MSRA: variants seen among roughly 807,000 people sequenced by gnomAD.
MSRA encodes methionine sulfoxide reductase A, also known as mitochondrial peptide methionine sulfoxide reductase.
A neutral mutation model predicts 31.3 loss-of-function variants in MSRA; 54 were observed. The observed-to-expected ratio is 1.73, with a 90% CI of 1.39 to 2.17. The LOEUF (loss-of-function observed/expected upper bound fraction) is 2.17, where lower values mean the gene tolerates loss of function less well. Among genes scored for constraint, MSRA ranks in the 30% most tolerant of loss-of-function variants. The pLI is 0.00. For synonymous variants in MSRA, 169 were observed against 116.5 expected, an observed-to-expected ratio of 1.45 and a Z score of -2.90; for missense variants, 507 against 300.9, an observed-to-expected ratio of 1.69 and a Z score of -5.07.
At chr8:10,095,525 C>A (rs1001557328) in intron 1 of MSRA, 1 of 985,186 alleles carries the variant, frequency 1.0e-6, no homozygotes, top group African/African-American at 1.7e-5. Flanking sequence ...CAAGACTGCT[C>A]GGAAGGTTGC....
At chr8:10,130,942 T>G (rs1439182202) in intron 1 of MSRA, among the ~76,000 whole-genome samples, 2 of 152,196 alleles carry the variant, frequency 1.3e-5, no homozygotes, top group Non-Finnish European at 2.9e-5. Context: ...TATAGGGCCT[T>G]TAAGAATCCT....
In MSRA at chr8:10,301,632, A is replaced by G. The variant is rs766232334; in HGVS notation, c.430A>G (p.Thr144Ala). The G allele has an allele frequency of 1.9e-6, 3 of 1,613,378 alleles. No individual in the cohort carries two copies. Among genetic ancestry groups the G allele is most frequent in the South Asian group, 2.2e-5 (2 of 91,018 alleles). The part of the protein sequence containing the change: ...LKVFWENHDP[T>A]QGMRQGNDHG... ...GGTCTTCTGGGAGAATCACGACCCG[A>G]CCCAAGGTAGAGTGATGAGTGAGCC... The change falls in exon 4 of 6, where the codon ACC becomes GCC. Residue 144 changes from threonine to alanine, a missense_variant. Thr to Ala is a moderately conservative substitution (Grantham distance 58). Coordinates refer to ENST00000317173, the MANE Select transcript of MSRA (RefSeq NM_012331.5).
At chr8:10,157,512 C>G (rs1804257936) in intron 1 of MSRA, among the ~76,000 whole-genome samples, 1 of 151,938 alleles carries the variant, frequency 6.6e-6, no homozygotes, top group Non-Finnish European at 1.5e-5. Flanking sequence ...ATGAGGAGGG[C>G]TTGGGATAGT....
intron 3 of MSRA, among the ~76,000 whole-genome samples, chr8:10,293,672 G>A (rs1800371960): frequency 6.6e-6 from 1 of 152,174 alleles, no homozygotes; most frequent in Non-Finnish European, 1.5e-5. Flanking sequence ...CAGCTGTACT[G>A]CAGGTCTCCG....
chr8:10,225,985 A>C (rs1017742180), intron 2 of MSRA, among the ~76,000 whole-genome samples: 3 of 152,186 alleles, frequency 2.0e-5, no homozygotes. Flanking sequence ...GGAAGTGTGA[A>C]ATTCCTCAGA....
intron 4 of MSRA, among the ~76,000 whole-genome samples, chr8:10,307,552 G>A (rs1372223701): frequency 6.6e-6 from 1 of 152,126 alleles, no homozygotes; most frequent in Non-Finnish European, 1.5e-5. Context: ...ATGCTACCAT[G>A]GATTTAATTA....
chr8:10,416,120 C>T (rs1808444461), intron 5 of MSRA, among the ~76,000 whole-genome samples: 2 of 152,120 alleles, frequency 1.3e-5, no homozygotes, highest in Admixed American at 1.3e-4. Flanking sequence ...GGCACCTGCT[C>T]ACGCTGGGCA....
At chr8:10,191,675 G>A (rs1382381595) in intron 1 of MSRA, among the ~76,000 whole-genome samples, 1 of 152,010 alleles carries the variant, frequency 6.6e-6, no homozygotes, top group Non-Finnish European at 1.5e-5. Context: ...ACTTAGAAAT[G>A]GGTCATGTTC....
chr8:10,193,647 T>C (rs958852231), intron 1 of MSRA, among the ~76,000 whole-genome samples: 3 of 152,220 alleles, frequency 2.0e-5, no homozygotes, highest in Non-Finnish European at 2.9e-5. Context: ...CCATCTTTCA[T>C]AGAAAGGCAA....
chr8:10,199,273 G>A (rs764949769), intron 1 of MSRA, among the ~76,000 whole-genome samples: 26 of 152,126 alleles, frequency 1.7e-4, no homozygotes, highest in Admixed American at 4.6e-4. Context: ...TAGGGGGCAT[G>A]GTAGGCTCAC....
rs568356364 is a variant in MSRA, at chr8:10,421,070, T to C, written c.544-7078T>C. 2.0e-4 allele frequency among the ~76,000 whole-genome samples: 30 copies of C among 152,124 alleles called. 1 individual carries two copies. Among genetic ancestry groups the C allele is most frequent in the Non-Finnish European group, 4.1e-4 (28 of 68,024 alleles). ...CGTCACGTGTTTTGAGTCCCGGGGA[T>C]GTGAGCTGGGTAGGGAGAGTCTGAC... On this transcript the variant is annotated intron_variant, in intron 5 of 5. Transcript: ENST00000317173.
intron 2 of MSRA, among the ~76,000 whole-genome samples, chr8:10,219,025 G>C (rs1383668369): frequency 1.3e-5 from 2 of 152,106 alleles, no homozygotes; most frequent in African/African-American, 4.8e-5. Flanking sequence ...TGCAGTGCAG[G>C]TTTGAGTCCT....
At chr8:10,235,747 T>C (rs1811881899) in intron 2 of MSRA, among the ~76,000 whole-genome samples, 1 of 152,090 alleles carries the variant, frequency 6.6e-6, no homozygotes, top group South Asian at 2.1e-4. Flanking sequence ...GAACAAATAA[T>C]TTTTTTTCTA....
At chr8:10,304,220 A>C (rs1178903286) in intron 4 of MSRA, among the ~76,000 whole-genome samples, 1 of 152,244 alleles carries the variant, frequency 6.6e-6, no homozygotes, top group African/African-American at 2.4e-5. Context: ...TGCAGGCGTG[A>C]GCCACTGCGC....
intron 3 of MSRA, among the ~76,000 whole-genome samples, chr8:10,251,319 C>G (rs73662809): frequency 0.016 from 2,445 of 152,006 alleles, 71 homozygotes; most frequent in African/African-American, 0.055. Flanking sequence ...GATGAGTTCT[C>G]TTATTAACAG....
chr8:10,123,757 C>G (rs1481038029), intron 1 of MSRA, among the ~76,000 whole-genome samples: 1 of 152,040 alleles, frequency 6.6e-6, no homozygotes, highest in Non-Finnish European at 1.5e-5. Flanking sequence ...ATAGGGAGTC[C>G]TTTCCTCATT....
chr8:10,235,776 G>C (rs1043566380), intron 2 of MSRA, among the ~76,000 whole-genome samples: 1 of 152,054 alleles, frequency 6.6e-6, no homozygotes, highest in Non-Finnish European at 1.5e-5. Context: ...TTACATAGGA[G>C]AGAAAATAAG....
chr8:10,358,872 G>A (rs528249944), intron 5 of MSRA, among the ~76,000 whole-genome samples: 5 of 152,162 alleles, frequency 3.3e-5, no homozygotes, highest in East Asian at 1.9e-4. Context: ...GATTACAGGC[G>A]TGAGCCACCA....
Position 10,112,384 on chromosome 8 carries a change from T to G in MSRA, c.142+57726T>G, listed in dbSNP as rs547026505. 1.8e-4 allele frequency among the ~76,000 whole-genome samples: 28 copies of G among 152,336 alleles called. 2 individuals carry two copies. The South Asian group carries it at 5.4e-3, about 29-fold the overall frequency. ...AATGAGATATAGAAGGCTACCTCTC[T>G]CACATAATAGAGAATTTCTAGGAAA... On this transcript the variant is annotated intron_variant, in intron 1 of 5. Coordinates refer to ENST00000317173, the MANE Select transcript of MSRA (RefSeq NM_012331.5).
Sources: gnomAD v4.1 joint callset for allele counts (sites outside exome capture counted in the v4.1 genomes callset) on GRCh38, gnomAD v4.1.1 for gene constraint, MANE v1.5 for transcripts, NCBI Gene and HGNC (gene_info 2026-07-23, HGNC 2026-07-21) for gene names.